Variants in ZNF460 observed in about 807,000 individuals in gnomAD.
ZNF460 encodes the protein zinc finger protein 272.
A neutral mutation model predicts 8.4 loss-of-function variants in ZNF460; 1 was observed. The ratio of observed to expected loss-of-function variants is 0.12; its 90% CI spans 0.04 to 0.56. The LOEUF (loss-of-function observed/expected upper bound fraction) is 0.56. Among genes scored for constraint, ZNF460 ranks in the 20% least tolerant of loss-of-function variants. The pLI, the probability that ZNF460 is intolerant of heterozygous loss-of-function variation, is 0.91. For missense variants in ZNF460, 477 were observed against 714.8 expected (o/e 0.67, Z 3.79); for synonymous variants, 262 against 259.9 (o/e 1.01, Z -0.08).
intron 1 of ZNF460, among the ~76,000 whole-genome samples, chr19:57,282,350 GC>G (rs1484172118): frequency 6.6e-6 from 1 of 152,140 alleles, no homozygotes; most frequent in Non-Finnish European, 1.5e-5. Context: ...AACCTGCTGT[GC>G]CCTCTATGAC....
chr19:57,286,461 C>T (rs907745797), intron 2 of ZNF460, among the ~76,000 whole-genome samples: 1 of 152,088 alleles, frequency 6.6e-6, no homozygotes, highest in African/African-American at 2.4e-5. Flanking sequence ...CTTCCATATT[C>T]TCTGAGATAC....
chr19:57,288,168 T>C (rs563925610), intron 2 of ZNF460, among the ~76,000 whole-genome samples: 2 of 152,270 alleles, frequency 1.3e-5, no homozygotes, highest in African/African-American at 4.8e-5. Flanking sequence ...CGATCTCTTA[T>C]GTAGTGTCTA....
Position 57,281,556 on chromosome 19 carries a change from ATTTTTT to A in ZNF460, c.30+742_30+747del, listed in dbSNP as rs71293946. Among the ~76,000 whole-genome samples the A allele has an allele frequency of 2.6e-4, 22 of 85,038 alleles. 1 individual carries two copies. Among genetic ancestry groups the A allele is most frequent in the African/African-American group, 9.8e-4 (20 of 20,512 alleles). The allele number at this position is 85,038 out of a possible 152,430, so 55.8% of individuals were successfully genotyped here. A position where few individuals can be genotyped will look rare whatever the true frequency, so the allele number is the denominator to read the frequency against. ...AACCCTCAGTTCGTTTAACCCTGAA[ATTTTTT>A]TTTTTTTTTTTTTTTTTTTTTGAGA... On this transcript the variant is annotated intron_variant, in intron 1 of 2. Coordinates refer to ENST00000360338, the MANE Select transcript of ZNF460 (RefSeq NM_006635.4).
rs138457345 is a variant in ZNF460 at position 57,287,893 on chromosome 19, G to A, written c.158-2806G>A. 6.0e-3 allele frequency among the ~76,000 whole-genome samples: 921 copies of A among 152,232 alleles called. 10 individuals carry two copies. Among genetic ancestry groups the A allele is most frequent in the African/African-American group, 0.021 (876 of 41,532 alleles). On this transcript the variant is annotated intron_variant, in intron 2 of 2. Transcript: ENST00000360338. ...CATCTGAGCTACTCAGGAGGCTGAG[G>A]TAGGAGAATTGCTTGAACCTGGGAG...
chr19:57,285,042 C>G (rs2087869734), intron 2 of ZNF460, among the ~76,000 whole-genome samples: 2 of 152,016 alleles, frequency 1.3e-5, no homozygotes, highest in South Asian at 2.1e-4. Context: ...TCTCAAACTC[C>G]CGACCTCAAG....
At chr19:57,286,741 C>G (rs1337386228) in intron 2 of ZNF460, among the ~76,000 whole-genome samples, 2 of 152,028 alleles carry the variant, frequency 1.3e-5, no homozygotes, top group African/African-American at 4.8e-5. Flanking sequence ...GCGGGTGGAT[C>G]TCCTGAGGTC....
At position 57,284,620 on chromosome 19, in the gene ZNF460, C is replaced by T; in HGVS notation, c.100C>T (p.Gln34Ter). 6.2e-7 allele frequency: 1 copy of T among 1,613,606 alleles called. No individual in the cohort carries two copies. Among genetic ancestry groups the T allele is most frequent in the Non-Finnish European group, 8.5e-7 (1 of 1,179,782 alleles). The change falls in exon 2 of 3, where the codon CAG (glutamine) becomes TAG (stop). Residue 34 changes from glutamine (Q) to a stop codon, truncating the protein, a stop_gained. Transcript: ENST00000360338. LOFTEE classifies it high-confidence loss of function. ...QEEWGQLDVTQRALYVEVMLE... is the reference protein window; with the variant it reads ...QEEWGQLDVT ...GGAGTGGGGGCAGTTGGACGTGACC[C>T]AGAGGGCCTTGTACGTGGAGGTGAT...
chr19:57,290,559 T>A, intron 2 of ZNF460, 140 bp from the exon 3 acceptor site: 1 of 846,712 alleles, frequency 1.2e-6, no homozygotes, highest in South Asian at 1.9e-5. Flanking sequence ...ATTACAGGGA[T>A]GAGCCACTGT....
In ZNF460 at chr19:57,292,842, TGAG is replaced by T. The variant is rs2087928661; in HGVS notation, c.*616_*618del. 6.6e-6 allele frequency: 1 copy of T among 152,628 alleles called. No homozygotes were observed. Among genetic ancestry groups the T allele is most frequent in the South Asian group, 2.1e-4 (1 of 4,836 alleles). 9.5% of individuals were successfully genotyped at this position (152,628 alleles called of 1,614,324 possible). ...TGTTCCACAGCATTGTCTCCACTCT[TGAG>T]GAGCAGAAGCATATATCTTTATGAG... On this transcript the variant is annotated 3_prime_UTR_variant, in exon 3 of 3. Coordinates refer to ENST00000360338, the MANE Select transcript of ZNF460 (RefSeq NM_006635.4).
intron 1 of ZNF460, among the ~76,000 whole-genome samples, chr19:57,283,246 T>G (rs1382421335): frequency 6.6e-6 from 1 of 151,852 alleles, no homozygotes; most frequent in Non-Finnish European, 1.5e-5. Flanking sequence ...CTCGGCTCAC[T>G]GCAACCATCG....
intron 2 of ZNF460, among the ~76,000 whole-genome samples, chr19:57,285,147 TC>T (rs2087870352): frequency 6.6e-6 from 1 of 152,100 alleles, no homozygotes; most frequent in Non-Finnish European, 1.5e-5. Context: ...TTCTTCCTGA[TC>T]TCTTTGTGTC....
chr19:57,292,452 AC>A lies in ZNF460; in HGVS notation c.*223del. 1 of 542,932 alleles carries A rather than the reference AC, an allele frequency of 1.8e-6. No individual in the cohort carries two copies. Among genetic ancestry groups the A allele is most frequent in the Non-Finnish European group, 3.3e-6 (1 of 307,192 alleles). The allele number at this position is 542,932 out of a possible 1,614,324, so 33.6% of individuals were successfully genotyped here. A position where few individuals can be genotyped will look rare whatever the true frequency, so the allele number is the denominator to read the frequency against. On this transcript the variant is annotated 3_prime_UTR_variant, in exon 3 of 3. Transcript: ENST00000360338. ...CTAAACAATTATGTTAGAAATTGAC[AC>A]AGCCAAGAGTCTTATTCTACATCTG...
Position 57,290,423 on chromosome 19 carries a change from G to A in ZNF460, c.158-276G>A, listed in dbSNP as rs968703744. Among the ~76,000 whole-genome samples the A allele has an allele frequency of 1.9e-4, 29 of 151,930 alleles. 1 individual carries two copies. The highest frequency in any genetic ancestry group is 3.1e-4 in the Non-Finnish European group (21 of 67,950). The stretch of plus-strand genomic sequence containing the variant: ...CTCCCCAGTCGCTGGGATTATAGCC[G>A]CCCGCCACCATGCCTGGCTAATTTT... On this transcript the variant is annotated intron_variant, in intron 2 of 2. Transcript: ENST00000360338.
intron 2 of ZNF460, among the ~76,000 whole-genome samples, chr19:57,286,154 G>C (rs548278070): frequency 3.9e-5 from 6 of 152,288 alleles, no homozygotes; most frequent in Non-Finnish European, 8.8e-5. Context: ...TGTATTTTTA[G>C]AAGTTGAATG....
At chr19:57,280,887 C>T (rs377157189) in intron 1 of ZNF460, 51 bp downstream of exon 1, 3 of 1,611,258 alleles carry the variant, frequency 1.9e-6, no homozygotes, top group Non-Finnish European at 2.5e-6. Context: ...TTCTAGAGGC[C>T]TCGTGGGCAG....
Position 57,291,375 on chromosome 19 carries a change from G to A in ZNF460, c.834G>A (p.Lys278=). Reference sequence around the variant, plus strand: ...ACCAGCGGGTTCACAGTGGAGAGAAGCCTTTTGTGTGCAATGAATGTGGAA... The same window carrying A: ...ACCAGCGGGTTCACAGTGGAGAGAAACCTTTTGTGTGCAATGAATGTGGAA... The part of the protein sequence containing the change: ...TRHQRVHSGE[K]PFVCNECGKA... Residue 278 remains lysine, a synonymous_variant, in exon 3 of 3, where the codon AAG becomes AAA. Coordinates refer to ENST00000360338, the MANE Select transcript of ZNF460 (RefSeq NM_006635.4). The surrounding 1 kb of genome is among the most constrained non-coding windows in gnomAD (Gnocchi z 8.4). 6.2e-7 allele frequency: 1 copy of A among 1,614,132 alleles called. No homozygotes were observed. The highest frequency in any genetic ancestry group is 2.2e-5 in the East Asian group (1 of 44,858).
chr19:57,284,816 T>TC, intron 2 of ZNF460, 139 bp downstream of exon 2: 1 of 775,742 alleles, frequency 1.3e-6, no homozygotes, highest in African/African-American at 1.9e-5. Context: ...TTACTCTATT[T>TC]TTTTTTTTTT....
intron 1 of ZNF460, 38 bp from the exon 2 acceptor site, chr19:57,284,513 T>G: frequency 6.2e-7 from 1 of 1,602,782 alleles, no homozygotes; most frequent in South Asian, 1.1e-5. Flanking sequence ...ATTCCACAGT[T>G]GCAAAGGAAA....
chr19:57,283,382 A>G, intron 1 of ZNF460, among the ~76,000 whole-genome samples: 1 of 149,492 alleles, frequency 6.7e-6, no homozygotes. Flanking sequence ...GCTAGCCAGG[A>G]TGGTCTCAAT....
Sources: allele counts gnomAD v4.1 joint callset (sites outside exome capture counted in the v4.1 genomes callset), GRCh38; gene constraint gnomAD v4.1.1; non-coding constraint Gnocchi (gnomAD v3.1); transcripts MANE v1.5; gene names NCBI Gene and HGNC (gene_info 2026-07-23, HGNC 2026-07-21).